Variants in ACSF3 observed in about 807,000 individuals in gnomAD.
ACSF3 encodes acyl-CoA synthetase family member 3.
Under a neutral mutation model 53.2 loss-of-function variants are expected in ACSF3, and 78 were observed. The observed-to-expected ratio is 1.47, with a 90% CI of 1.22 to 1.77. The LOEUF is 1.77. Ranked by LOEUF, ACSF3 falls within the 40% of genes most tolerant of loss-of-function variation. ACSF3 has a pLI of 0.00. For synonymous variants in ACSF3, 414 were observed against 333.1 expected (o/e 1.24, Z -2.65); for missense variants, 937 against 771.1 (o/e 1.22, Z -2.55).
intron 4 of ACSF3, among the ~76,000 whole-genome samples, chr16:89,110,031 G>T (rs1350537029): frequency 6.6e-6 from 1 of 152,180 alleles, no homozygotes; most frequent in Non-Finnish European, 1.5e-5. Flanking sequence ...TCTCTTTTCA[G>T]ATGTACGGTT....
chr16:89,117,313 C>T (rs1369910171), intron 6 of ACSF3, among the ~76,000 whole-genome samples: 1 of 152,226 alleles, frequency 6.6e-6, no homozygotes, highest in Non-Finnish European at 1.5e-5. Flanking sequence ...ACCCATGAGC[C>T]TGCCCACGGT....
intron 3 of ACSF3, 41 bp downstream of exon 3, chr16:89,101,388 C>G (rs777463948): frequency 5.8e-6 from 9 of 1,551,302 alleles, no homozygotes; most frequent in Non-Finnish European, 7.8e-6. Context: ...GGTGACCGCA[C>G]AGCACTCCGG....
intron 5 of ACSF3, 30 bp downstream of exon 5, chr16:89,112,276 A>T: frequency 6.2e-7 from 1 of 1,612,774 alleles, no homozygotes; most frequent in African/African-American, 1.3e-5. Context: ...TTTCTCGTTC[A>T]GAAAGTCTTA....
chr16:89,124,718 G>A (rs115853773), intron 7 of ACSF3, among the ~76,000 whole-genome samples: 5,151 of 151,970 alleles, frequency 0.034, 302 homozygotes, highest in African/African-American at 0.12. Context: ...ACCCATGTGC[G>A]CACTGCATAT....
intron 7 of ACSF3, among the ~76,000 whole-genome samples, chr16:89,130,315 T>C (rs1909020233): frequency 6.6e-6 from 1 of 152,206 alleles, no homozygotes; most frequent in African/African-American, 2.4e-5. Flanking sequence ...CTCATGCCTA[T>C]AGTCCCAGCA....
rs922047767 is a variant in ACSF3 at position 89,155,669 on chromosome 16, C to T, written c.*1462C>T. 2.6e-5 allele frequency: 12 copies of T among 454,036 alleles called. 1 individual carries two copies. Among genetic ancestry groups the T allele is most frequent in the Admixed American group, 9.4e-5 (4 of 42,560 alleles). The allele number at this position is 454,036 out of a possible 1,614,324, so 28.1% of individuals were successfully genotyped here. On this transcript the variant is annotated 3_prime_UTR_variant, in exon 11 of 11. Coordinates refer to ENST00000614302, the MANE Select transcript of ACSF3 (RefSeq NM_001243279.3). ...CGGCAGTCAGAGACTACAGTCCAGA[C>T]GTTTGTGTCTAGGCCTTGCTGGTAG...
intron 8 of ACSF3, among the ~76,000 whole-genome samples, chr16:89,136,336 T>G (rs1029344663): frequency 3.9e-5 from 6 of 152,190 alleles, no homozygotes; most frequent in African/African-American, 1.4e-4. Context: ...TCAGTTTAAT[T>G]TCATTGTAAT....
chr16:89,111,944 G>T, intron 4 of ACSF3, 148 bp from the exon 5 acceptor site: 1 of 551,106 alleles, frequency 1.8e-6, no homozygotes, highest in Admixed American at 2.4e-5. Flanking sequence ...GTGGGAAGGG[G>T]TCAGAGTTTG....
In ACSF3 at chr16:89,101,323, C is replaced by T. The variant is rs769523070; in HGVS notation, c.642C>T (p.Ser214=). The T allele has an allele frequency of 1.0e-5, 16 of 1,594,130 alleles. No individual in the cohort carries two copies. The highest frequency in any genetic ancestry group is 1.4e-5 in the Non-Finnish European group (16 of 1,170,908). Residue 214 remains serine (S), a synonymous_variant, in exon 3 of 11, where the codon AGC becomes AGT. Transcript: ENST00000614302. ...GTTGRPKGVL[S]THQNIRAVVT... ...CGGGGAGGCCCAAGGGCGTGCTGAGCACGCACCAAAACATCAGGGCTGTGG... is the reference window on the plus strand; with the variant it reads ...CGGGGAGGCCCAAGGGCGTGCTGAGTACGCACCAAAACATCAGGGCTGTGG...
chr16:89,117,234 G>A (rs904275243), intron 6 of ACSF3, among the ~76,000 whole-genome samples: 1 of 152,174 alleles, frequency 6.6e-6, no homozygotes, highest in African/African-American at 2.4e-5. Flanking sequence ...TGCTTTGTGG[G>A]CGTCCTCTCT....
intron 4 of ACSF3, among the ~76,000 whole-genome samples, chr16:89,111,583 A>C (rs1976681222): frequency 6.6e-6 from 1 of 152,282 alleles, no homozygotes; most frequent in African/African-American, 2.4e-5. Context: ...GGGCGACGCG[A>C]GAACCCGCTA....
intron 7 of ACSF3, among the ~76,000 whole-genome samples, chr16:89,127,312 T>G (rs1908332359): frequency 6.6e-6 from 1 of 152,160 alleles, no homozygotes; most frequent in African/African-American, 2.4e-5. Flanking sequence ...TTTCAATGAT[T>G]GGTGGAATTC....
Position 89,093,887 on chromosome 16 carries a change from C to A in ACSF3, c.-303C>A. ...GGAACTGGTCCGGCCCGACTCACGA[C>A]CCCGCGGGACCCGGCCGGAACCCGG... On this transcript the variant is annotated 5_prime_UTR_variant, in exon 1 of 11. Transcript: ENST00000614302. 1 of 321,824 alleles carries A rather than the reference C, an allele frequency of 3.1e-6. No individual in the cohort carries two copies. The highest frequency in any genetic ancestry group is 6.5e-6 in the Non-Finnish European group (1 of 154,152). 19.9% of individuals were successfully genotyped at this position (321,824 alleles called of 1,614,324 possible).
At chr16:89,118,973 G>T (rs930883090) in intron 6 of ACSF3, among the ~76,000 whole-genome samples, 1 of 152,194 alleles carries the variant, frequency 6.6e-6, no homozygotes, top group Non-Finnish European at 1.5e-5. Flanking sequence ...CCGGGGCACA[G>T]CGAGCGGCAC....
At chr16:89,104,682 G>T (rs570015064) in intron 4 of ACSF3, among the ~76,000 whole-genome samples, 242 of 152,336 alleles carry the variant, frequency 1.6e-3, no homozygotes, top group African/African-American at 5.4e-3. Flanking sequence ...GTGGCTGGAG[G>T]TGGAGAGAAG....
intron 6 of ACSF3, among the ~76,000 whole-genome samples, chr16:89,119,388 G>T (rs1028482741): frequency 2.0e-5 from 3 of 152,190 alleles, no homozygotes; most frequent in African/African-American, 7.2e-5. Context: ...CCACGGACGC[G>T]GACAGCAGAC....
At position 89,154,143 on chromosome 16, in the gene ACSF3, T is replaced by A; in HGVS notation, c.1667T>A (p.Ile556Asn). ...TCGGAGCTGGTGCTGGTGGAGGAGA[T>A]CCCGCGGAACCAGATGGGCAAGATT... ...VPSELVLVEE[I>N]PRNQMGKIDK... Residue 556 changes from isoleucine (I) to asparagine (N), a missense_variant, in exon 11 of 11, where the codon ATC becomes AAC. Ile to Asn is a moderately radical substitution (Grantham distance 149). Coordinates refer to ENST00000614302, the MANE Select transcript of ACSF3 (RefSeq NM_001243279.3). 1 of 1,613,268 alleles carries A rather than the reference T, an allele frequency of 6.2e-7. No homozygotes were observed. The highest frequency in any genetic ancestry group is 8.5e-7 in the Non-Finnish European group (1 of 1,179,742).
intron 7 of ACSF3, among the ~76,000 whole-genome samples, chr16:89,129,353 G>A (rs1234495794): frequency 6.6e-6 from 1 of 151,926 alleles, no homozygotes; most frequent in African/African-American, 2.4e-5. Context: ...GTGTCTTATT[G>A]GTGAATTGAC....
intron 1 of ACSF3, among the ~76,000 whole-genome samples, chr16:89,097,169 GCGTGTGCTCAGCGTGTGGTTAC>G (rs1222734714): frequency 9.2e-5 from 14 of 152,288 alleles, no homozygotes; most frequent in South Asian, 2.1e-4. Context: ...CGTGTGGTTA[GCGTGTGCTCAGCGTGTGGTTAC>G]CGTGTGCACA....
Sources: allele counts gnomAD v4.1 joint callset (sites outside exome capture counted in the v4.1 genomes callset), GRCh38; gene constraint gnomAD v4.1.1; transcripts MANE v1.5; gene names NCBI Gene and HGNC (gene_info 2026-07-23, HGNC 2026-07-21).